The following PRELID2 variants were observed in gnomAD, a reference collection of about 807,000 sequenced individuals.
The protein encoded by PRELID2 is PRELI domain containing 2.
A neutral mutation model predicts 28.4 loss-of-function variants in PRELID2; 25 were observed. The ratio of observed to expected loss-of-function variants is 0.88; its 90% CI spans 0.64 to 1.23. PRELID2 has a LOEUF of 1.23. Among genes scored for constraint, PRELID2 ranks in the 50% most tolerant of loss-of-function variants. The probability of loss-of-function intolerance (pLI) is 0.00; values close to 1 mark genes in which losing one functional copy is unlikely to be tolerated. For synonymous variants in PRELID2, 76 were observed against 71.6 expected (o/e 1.06, Z -0.31); for missense variants, 201 against 214.4 (o/e 0.94, Z 0.39).
intron 4 of PRELID2, among the ~76,000 whole-genome samples, chr5:145,810,085 C>A (rs1320964917): frequency 2.0e-5 from 3 of 152,112 alleles, no homozygotes; most frequent in African/African-American, 4.8e-5. Context: ...AGGGTAAAAA[C>A]CATGACTTTT....
intron 1 of PRELID2, among the ~76,000 whole-genome samples, chr5:145,521,450 A>T (rs1293099363): frequency 6.6e-6 from 1 of 152,210 alleles, no homozygotes; most frequent in Non-Finnish European, 1.5e-5. Context: ...AATTAGCTGC[A>T]ATCAATTCCT....
At chr5:145,361,397 C>A in the PRELID2 span, among the ~76,000 whole-genome samples, 1 of 152,172 alleles carries the variant, frequency 6.6e-6, no homozygotes, top group African/African-American at 2.4e-5. Flanking sequence ...TTTCATGATG[C>A]TCCCCGAAAG....
At position 145,760,190 on chromosome 5, in the gene PRELID2, C is replaced by A. The variant is rs1464802783; in HGVS notation, c.*346G>T. The A allele has an allele frequency of 6.6e-6, 1 of 152,098 alleles. No homozygotes were observed. The highest frequency in any genetic ancestry group is 1.9e-4 in the East Asian group (1 of 5,174). The allele number at this position is 152,098 out of a possible 1,614,324, so 9.4% of individuals were successfully genotyped here. A position where few individuals can be genotyped will look rare whatever the true frequency, so the allele number is the denominator to read the frequency against. On this transcript the variant is annotated 3_prime_UTR_variant, in exon 7 of 7. Transcript: ENST00000683046. The stretch of plus-strand genomic sequence containing the variant: ...AGGCCTTTATCCTGTCCTTAGCTGC[C>A]CTGACACCATCATCAGACAACCAGC...
chr5:145,835,298 C>A lies in PRELID2; in HGVS notation c.-47G>T, dbSNP rs567491631. On this transcript the variant is annotated 5_prime_UTR_variant, in exon 1 of 7. Transcript: ENST00000683046. ...CGCACCGGCCACGCCTCCGCGAGCT[C>A]AGAGCTGCCCAGGGCTCCGCAGAGG... is the stretch of plus-strand genomic sequence containing the variant. The A allele has an allele frequency of 3.0e-5, 41 of 1,377,154 alleles. No homozygotes were observed. Among genetic ancestry groups the A allele is most frequent in the Non-Finnish European group, 4.0e-5 (40 of 993,340 alleles). 85.3% of individuals were successfully genotyped at this position (1,377,154 alleles called of 1,614,324 possible). A position where few individuals can be genotyped will look rare whatever the true frequency, so the allele number is the denominator to read the frequency against.
intron 1 of PRELID2, among the ~76,000 whole-genome samples, chr5:145,524,079 A>G (rs760423024): frequency 5.9e-5 from 9 of 152,136 alleles, no homozygotes; most frequent in Non-Finnish European, 1.0e-4. Flanking sequence ...CTGAAATCCC[A>G]GGTCAGCTCC....
At chr5:145,586,446 C>T (rs916862619) in intron 1 of PRELID2, among the ~76,000 whole-genome samples, 1 of 152,056 alleles carries the variant, frequency 6.6e-6, no homozygotes, top group African/African-American at 2.4e-5. Context: ...AGTTCACAAC[C>T]AGCCTGGGCA....
rs1224735033 is a variant in PRELID2 at position 145,710,273 on chromosome 5, A to T, written n.70+54658T>A. On this transcript the variant is annotated intron_variant and non_coding_transcript_variant, in intron 1 of 2. Transcript: ENST00000510259. ...ATATTTACTATCTTTGGTACTACTT[A>T]TGTTTCTATAAGAAGAAAATTGTGT... 9.2e-5 allele frequency among the ~76,000 whole-genome samples: 14 copies of T among 152,172 alleles called. 1 individual carries two copies. Among genetic ancestry groups the T allele is most frequent in the Admixed American group, 9.2e-4 (14 of 15,274 alleles).
At chr5:145,760,840 A>G (rs1251984245) in intron 6 of PRELID2, among the ~76,000 whole-genome samples, 1 of 152,258 alleles carries the variant, frequency 6.6e-6, no homozygotes, top group African/African-American at 2.4e-5. Flanking sequence ...CCCAACTGCC[A>G]GTGGCAAGAA....
chr5:145,272,485 T>G, the PRELID2 span, among the ~76,000 whole-genome samples: 1 of 151,988 alleles, frequency 6.6e-6, no homozygotes, highest in African/African-American at 2.4e-5. Context: ...AGTTAATAGG[T>G]GTTCATATAA....
chr5:145,728,705 A>G (rs978632630), intron 1 of PRELID2: 7 of 1,561,808 alleles, frequency 4.5e-6, no homozygotes, highest in Non-Finnish European at 4.4e-6. Context: ...CAGCAAGTCC[A>G]AATATAGCCC....
intron 1 of PRELID2, among the ~76,000 whole-genome samples, chr5:145,526,112 G>A (rs890972524): frequency 2.6e-5 from 4 of 152,204 alleles, no homozygotes; most frequent in Non-Finnish European, 4.4e-5. Context: ...CATTAACTGA[G>A]CTCTGCTCTG....
chr5:145,610,039 G>A (rs909169323), intron 1 of PRELID2, among the ~76,000 whole-genome samples: 6 of 152,198 alleles, frequency 3.9e-5, no homozygotes, highest in Non-Finnish European at 8.8e-5. Flanking sequence ...TGCTGGACTG[G>A]AGAGATGACC....
the PRELID2 span, among the ~76,000 whole-genome samples, chr5:145,418,847 T>C: frequency 6.6e-6 from 1 of 151,556 alleles, no homozygotes; most frequent in Non-Finnish European, 1.5e-5. Context: ...TCATCTAGTA[T>C]TAGGTATATC....
intron 1 of PRELID2, among the ~76,000 whole-genome samples, chr5:145,624,087 A>C (rs1206368431): frequency 6.6e-6 from 1 of 152,150 alleles, no homozygotes; most frequent in Non-Finnish European, 1.5e-5. Flanking sequence ...CTTTATTATA[A>C]AGGATATAAC....
the PRELID2 span, among the ~76,000 whole-genome samples, chr5:145,389,414 A>G: frequency 1.2e-4 from 19 of 152,160 alleles, no homozygotes; most frequent in African/African-American, 4.3e-4. Flanking sequence ...CCTCTGCAGT[A>G]CCCACCAAAG....
At chr5:145,286,863 C>G in the PRELID2 span, among the ~76,000 whole-genome samples, 1 of 151,970 alleles carries the variant, frequency 6.6e-6, no homozygotes. Context: ...GCATGTGCCA[C>G]AGCACCCAGC....
At chr5:145,292,806 C>T in the PRELID2 span, among the ~76,000 whole-genome samples, 2,735 of 152,210 alleles carry the variant, frequency 0.018, 89 homozygotes, top group African/African-American at 0.062. Context: ...ATTCTGGGCT[C>T]AAGTGATTCT....
the PRELID2 span, among the ~76,000 whole-genome samples, chr5:145,286,720 G>T: frequency 0.019 from 2,272 of 117,658 alleles, 57 homozygotes; most frequent in African/African-American, 0.076. Flanking sequence ...TTGTTTGTTT[G>T]TTTGTTTTTT....
chr5:145,700,169 G>A (rs534291029), intron 1 of PRELID2, among the ~76,000 whole-genome samples: 3 of 149,900 alleles, frequency 2.0e-5, no homozygotes, highest in African/African-American at 7.5e-5. Flanking sequence ...TCAGAACCCA[G>A]TGGTTTTTCT....
Sources: allele counts gnomAD v4.1 joint callset (sites outside exome capture counted in the v4.1 genomes callset), GRCh38; gene constraint gnomAD v4.1.1; transcripts MANE v1.5; gene names NCBI Gene and HGNC (gene_info 2026-07-23, HGNC 2026-07-21).